The following CLYBL variants were observed in gnomAD, a reference collection of about 807,000 sequenced individuals.
The protein encoded by CLYBL is citramalyl-CoA lyase.
In CLYBL, 31 loss-of-function variants were observed where a neutral mutation model predicts 38.9. The observed-to-expected ratio is 0.80, with a 90% CI of 0.60 to 1.08. The LOEUF (loss-of-function observed/expected upper bound fraction) is 1.08, where lower values mean the gene tolerates loss of function less well. Ranked by LOEUF, CLYBL falls within the 50% of genes least tolerant of loss-of-function variation. The pLI, the probability that CLYBL is intolerant of heterozygous loss-of-function variation, is 0.00. For synonymous variants in CLYBL, 171 were observed against 158.6 expected, an observed-to-expected ratio of 1.08 and a Z score of -0.59; for missense variants, 434 against 411.6, an observed-to-expected ratio of 1.05 and a Z score of -0.47.
At chr13:99,802,010 CCAT>C (rs1279657449) in intron 2 of CLYBL, among the ~76,000 whole-genome samples, 1 of 152,070 alleles carries the variant, frequency 6.6e-6, no homozygotes, top group Non-Finnish European at 1.5e-5. Context: ...GAGTGAAACT[CCAT>C]CTCAAAAAAC....
chr13:99,787,546 T>C (rs956336354), intron 2 of CLYBL, among the ~76,000 whole-genome samples: 3 of 152,202 alleles, frequency 2.0e-5, no homozygotes, highest in African/African-American at 7.2e-5. Context: ...TCTGTTCTGT[T>C]CCATTGGTCT....
intron 2 of CLYBL, among the ~76,000 whole-genome samples, chr13:99,793,766 C>T (rs1039049165): frequency 2.0e-5 from 3 of 151,694 alleles, no homozygotes; most frequent in Non-Finnish European, 4.4e-5. Context: ...TCTTTTCCTG[C>T]AATTCCTAGG....
intron 6 of CLYBL, among the ~76,000 whole-genome samples, chr13:99,867,915 G>T (rs1157805249): frequency 1.3e-5 from 2 of 152,134 alleles, no homozygotes; most frequent in Non-Finnish European, 2.9e-5. Context: ...AACTTCTCTG[G>T]GAGCTGGAGA....
chr13:99,708,411 A>T (rs2048178631), intron 1 of CLYBL, among the ~76,000 whole-genome samples: 1 of 152,254 alleles, frequency 6.6e-6, no homozygotes, highest in South Asian at 2.1e-4. Flanking sequence ...ATGCATATTT[A>T]TTGATTTTGT....
intron 1 of CLYBL, among the ~76,000 whole-genome samples, chr13:99,753,511 G>A (rs947348511): frequency 2.6e-5 from 4 of 152,192 alleles, no homozygotes; most frequent in Non-Finnish European, 5.9e-5. Context: ...TGTAGAGTAG[G>A]ATGTAAGTCC....
intron 1 of CLYBL, among the ~76,000 whole-genome samples, chr13:99,682,849 G>A (rs528373364): frequency 5.4e-4 from 81 of 151,324 alleles, no homozygotes; most frequent in Admixed American, 1.6e-3. Flanking sequence ...TGATTCTTCT[G>A]TCTCAGCCTC....
rs912475724 is a variant in CLYBL at position 99,609,302 on chromosome 13, G to A, written c.62+2545G>A. On this transcript the variant is annotated intron_variant, in intron 1 of 8. Transcript: ENST00000339105. The stretch of plus-strand genomic sequence containing the variant: ...AGCGATTCTCCTGCTCCAGCTTCCC[G>A]AGTAGTTGGGATTACAGGCACGCGC... 4.7e-5 allele frequency among the ~76,000 whole-genome samples: 7 copies of A among 147,408 alleles called. No homozygotes were observed. In the South Asian group the frequency reaches 6.6e-4, roughly 14 times the overall value.
chr13:99,688,559 C>T (rs1030919118), intron 1 of CLYBL, among the ~76,000 whole-genome samples: 67 of 150,608 alleles, frequency 4.4e-4, no homozygotes, highest in African/African-American at 1.6e-3. Flanking sequence ...AGCATATTTA[C>T]TAATTATATT....
chr13:99,800,701 C>T (rs576732947), intron 2 of CLYBL, among the ~76,000 whole-genome samples: 27 of 152,168 alleles, frequency 1.8e-4, no homozygotes, highest in African/African-American at 6.0e-4. Context: ...TGGTGAAACT[C>T]CGTCTCTGCT....
intron 1 of CLYBL, among the ~76,000 whole-genome samples, chr13:99,699,432 G>A (rs1377687213): frequency 6.6e-6 from 1 of 151,970 alleles, no homozygotes; most frequent in African/African-American, 2.4e-5. Context: ...GGTGGCTCAC[G>A]CCTGTAATCT....
intron 1 of CLYBL, among the ~76,000 whole-genome samples, chr13:99,733,739 T>C (rs1429464222): frequency 1.3e-5 from 2 of 152,366 alleles, no homozygotes; most frequent in Non-Finnish European, 2.9e-5. Context: ...TCCTGCTTGA[T>C]GCTAAACTGG....
chr13:99,886,422 C>T (rs577170060), intron 7 of CLYBL, among the ~76,000 whole-genome samples: 13 of 152,360 alleles, frequency 8.5e-5, no homozygotes, highest in Middle Eastern at 3.4e-3. Context: ...ATCTGATCCA[C>T]GGGCAATGGC....
chr13:99,606,788 C>T (rs1359586574), intron 1 of CLYBL, 31 bp downstream of exon 1: 3 of 1,369,628 alleles, frequency 2.2e-6, no homozygotes, highest in Admixed American at 7.1e-5. Flanking sequence ...CCCGCCTTCC[C>T]GGCCCGGCTC....
In CLYBL at chr13:99,866,425, G is replaced by T. The variant is rs774600472; in HGVS notation, c.802+18G>T. On this transcript the variant is annotated intron_variant, in intron 6 of 8. Transcript: ENST00000339105. ...CTTCACTGGTATGATTCCTGTCTTAGAAAGCAGTGTCTAAATTAGCAAGCA... is the reference window on the plus strand; with the variant it reads ...CTTCACTGGTATGATTCCTGTCTTATAAAGCAGTGTCTAAATTAGCAAGCA... 2 of 1,601,060 alleles carry T rather than the reference G, an allele frequency of 1.2e-6. No homozygotes were observed. Among genetic ancestry groups the T allele is most frequent in the Non-Finnish European group, 8.5e-7 (1 of 1,176,460 alleles).
downstream of CLYBL, chr13:99,892,572 TCTGGACGA>T (rs2052514752): frequency 6.6e-6 from 1 of 152,634 alleles, no homozygotes; most frequent in South Asian, 2.1e-4. Flanking sequence ...GTGCCGAGAC[TCTGGACGA>T]CTGTTCCTTA....
At chr13:99,799,438 G>A (rs1012763311) in intron 2 of CLYBL, among the ~76,000 whole-genome samples, 3 of 151,244 alleles carry the variant, frequency 2.0e-5, no homozygotes, top group African/African-American at 7.3e-5. Context: ...TTAAAGAAGA[G>A]CCTTTCTTAA....
chr13:99,762,007 T>G (rs1475063962), intron 1 of CLYBL, among the ~76,000 whole-genome samples: 1 of 152,206 alleles, frequency 6.6e-6, no homozygotes, highest in Non-Finnish European at 1.5e-5. Context: ...GTTTTTAAAT[T>G]GGATTTTTTG....
chr13:99,878,055 T>A (rs2052096728), intron 7 of CLYBL, among the ~76,000 whole-genome samples: 1 of 152,206 alleles, frequency 6.6e-6, no homozygotes, highest in African/African-American at 2.4e-5. Flanking sequence ...CCCTGCAGCA[T>A]CTTGGGCAGA....
intron 2 of CLYBL, among the ~76,000 whole-genome samples, chr13:99,819,661 G>A (rs753233231): frequency 6.6e-5 from 10 of 151,398 alleles, no homozygotes; most frequent in Non-Finnish European, 1.3e-4. Context: ...AACCAGGGAG[G>A]CCACATATGT....
Sources: allele counts gnomAD v4.1 joint callset (sites outside exome capture counted in the v4.1 genomes callset), GRCh38; gene constraint gnomAD v4.1.1; transcripts MANE v1.5; gene names NCBI Gene and HGNC (gene_info 2026-07-23, HGNC 2026-07-21).